Variants in ANPEP observed in about 807,000 individuals in gnomAD.
The protein encoded by ANPEP is aminopeptidase N.
Under a neutral mutation model 114.6 loss-of-function variants are expected in ANPEP, and 70 were observed. The observed-to-expected ratio is 0.61, with a 90% CI of 0.50 to 0.75. The LOEUF is 0.75. ANPEP is among the 30% of genes least tolerant of loss of function. ANPEP has a pLI of 0.00. For synonymous variants in ANPEP, 548 were observed against 522.3 expected (o/e 1.05, Z -0.67); for missense variants, 1,184 against 1,259.5 (o/e 0.94, Z 0.91).
At position 89,807,655 on chromosome 15, in the gene ANPEP, C is replaced by T. The variant is rs534327024; in HGVS notation, c.-223-849G>A. ...GGCAGAGATTGCAGTGAGCTGAGATCGCACCACTGCACTCCAGCCTGGGTG... is the reference window on the plus strand; with the variant it reads ...GGCAGAGATTGCAGTGAGCTGAGATTGCACCACTGCACTCCAGCCTGGGTG... On this transcript the variant is annotated intron_variant, in intron 1 of 20. Coordinates refer to ENST00000300060, the MANE Select transcript of ANPEP (RefSeq NM_001150.3). Among the ~76,000 whole-genome samples the T allele has an allele frequency of 7.2e-5, 11 of 152,182 alleles. No individual in the cohort carries two copies. The South Asian group carries it at 1.5e-3, about 20-fold the overall frequency.
Position 89,804,873 on chromosome 15 carries a change from C to A in ANPEP, c.897+205G>T. On this transcript the variant is annotated intron_variant, in intron 4 of 20. Coordinates refer to ENST00000300060, the MANE Select transcript of ANPEP (RefSeq NM_001150.3). ...TCTGGTAACCGGTGGGTCAGGAACT[C>A]CCTTCATGAAGAGAAACCATTGTTT... The A allele has an allele frequency of 1.2e-6, 1 of 857,164 alleles. No individual in the cohort carries two copies. Among genetic ancestry groups the A allele is most frequent in the East Asian group, 2.7e-5 (1 of 37,648 alleles). 53.1% of individuals were successfully genotyped at this position (857,164 alleles called of 1,614,324 possible).
chr15:89,803,468 C>A lies in ANPEP; in HGVS notation c.1477G>T (p.Glu493Ter). 6.2e-7 allele frequency: 1 copy of A among 1,605,422 alleles called. No individual in the cohort carries two copies. Among genetic ancestry groups the A allele is most frequent in the Non-Finnish European group, 8.5e-7 (1 of 1,176,352 alleles). ...GCCAGGCCCTGCTTGAATACGTCCT[C>A]GGACAGGAAGCTGGAGAGCATCCTG... ...VLRMLSSFLS[E>*]DVFKQGLASY... Residue 493 changes from glutamate to a stop codon, truncating the protein, a stop_gained, in exon 9 of 21, where the codon GAG becomes TAG. Coordinates refer to ENST00000300060, the MANE Select transcript of ANPEP (RefSeq NM_001150.3). LOFTEE classifies it high-confidence loss of function. This position sits in a 1 kb window ranked among gnomAD's most constrained non-coding sequence, Gnocchi z 4.2.
Position 89,785,468 on chromosome 15 carries a change from C to G in ANPEP, c.2785G>C (p.Gly929Arg), listed in dbSNP as rs1968490787. ...AGGGCCCGGGTGCCTGAGCCGAAGC[C>G]TGTTTCCTCGTTGTCCTTCTTGAAC... ...EQFKKDNEET[G>R]FGSGTRALEQ... is the part of the protein sequence containing the mutation. The change falls in exon 21 of 21, where the codon GGC becomes CGC. Residue 929 changes from glycine (G) to arginine (R), a missense_variant. Physicochemically the swap from Gly to Arg is moderately radical, Grantham distance 125 (BLOSUM62 -2). Transcript: ENST00000300060. 1.9e-6 allele frequency: 3 copies of G among 1,613,956 alleles called. No individual in the cohort carries two copies. Among genetic ancestry groups the G allele is most frequent in the Non-Finnish European group, 2.5e-6 (3 of 1,179,940 alleles).
In ANPEP at chr15:89,792,194, G is replaced by A. The variant is rs777193478; in HGVS notation, c.2494C>T (p.Leu832=). 3.1e-6 allele frequency: 5 copies of A among 1,614,120 alleles called. No individual in the cohort carries two copies. The East Asian group carries it at 1.1e-4, about 36-fold the overall frequency. Residue 832 remains leucine, a synonymous_variant, in exon 18 of 21, where the codon CTG becomes TTG. Coordinates refer to ENST00000300060, the MANE Select transcript of ANPEP (RefSeq NM_001150.3). ...VNEADKLRAA[L]ACSKELWILN... is the part of the protein sequence containing the mutation. ...ATCCACAACTCTTTGCTGCAGGCCA[G>A]GGCTGCCCGGAGCTTGTCAGCCTCA...
chr15:89,808,414 G>A (rs1446201147), intron 1 of ANPEP, among the ~76,000 whole-genome samples: 1 of 152,224 alleles, frequency 6.6e-6, no homozygotes, highest in African/African-American at 2.4e-5. Context: ...CTTGAGTCCT[G>A]GACTGCAGGC....
chr15:89,809,775 G>C (rs1008972977), intron 1 of ANPEP, among the ~76,000 whole-genome samples: 1 of 152,244 alleles, frequency 6.6e-6, no homozygotes, highest in Non-Finnish European at 1.5e-5. Flanking sequence ...CCAACCTGCA[G>C]AGTGAAACCT....
rs1474822206 is a variant in ANPEP, at chr15:89,804,555, C to CACG, written c.957_959dup (p.Val320dup). On this transcript the variant is annotated inframe_insertion, in exon 5 of 21. Transcript: ENST00000300060. Reference sequence around the variant, plus strand: ...CAAAGAAGTTAAGGATGGGGCCCGTCACGTTCAGGGCATAATCGCCGTGGC... The same window carrying CACG: ...CAAAGAAGTTAAGGATGGGGCCCGTCACGACGTTCAGGGCATAATCGCCGTGGC... 5 of 1,614,080 alleles carry CACG rather than the reference C, an allele frequency of 3.1e-6. No individual in the cohort carries two copies. The highest frequency in any genetic ancestry group is 4.2e-6 in the Non-Finnish European group (5 of 1,180,022).
Position 89,799,664 on chromosome 15 carries a change from C to T in ANPEP, c.1820-105G>A. The T allele has an allele frequency of 6.6e-7, 1 of 1,524,778 alleles. No homozygotes were observed. Among genetic ancestry groups the T allele is most frequent in the Non-Finnish European group, 9.0e-7 (1 of 1,117,258 alleles). The allele number at this position is 1,524,778 out of a possible 1,614,324, so 94.5% of individuals were successfully genotyped here. ...CCCCGCAGCCTGGCACCACCTCACC[C>T]TCAAGCTGCTGGGGAGACGCTAAGG... On this transcript the variant is annotated intron_variant, in intron 12 of 20. Coordinates refer to ENST00000300060, the MANE Select transcript of ANPEP (RefSeq NM_001150.3). The surrounding 1 kb of genome is among the most constrained non-coding windows in gnomAD (Gnocchi z 4.2).
Position 89,799,427 on chromosome 15 carries a change from G to T in ANPEP, c.1952C>A (p.Ser651Ter). The part of the protein sequence containing the change: ...KIQTQLQRDH[S>*]AIPVINRAQI... ...GGGCGAGGGGTGGCAGACACTCACC[G>T]AGTGGTCTCTCTGCAGCTGAGTCTG... The change falls in exon 13 of 21, where the codon TCG becomes TAG. Residue 651 changes from serine (S) to a stop codon, truncating the protein, a stop_gained and splice_region_variant. Transcript: ENST00000300060. LOFTEE classifies it high-confidence loss of function. This position sits in a 1 kb window ranked among gnomAD's most constrained non-coding sequence, Gnocchi z 4.2. 2 of 1,614,182 alleles carry T rather than the reference G, an allele frequency of 1.2e-6. No homozygotes were observed. Among genetic ancestry groups the T allele is most frequent in the Non-Finnish European group, 8.5e-7 (1 of 1,180,030 alleles).
Position 89,785,095 on chromosome 15 carries a change from C to T in ANPEP, c.*254G>A. On this transcript the variant is annotated 3_prime_UTR_variant, in exon 21 of 21. Transcript: ENST00000300060. Reference sequence around the variant, plus strand: ...GGCTTCCCTGAGATCAGCCCCAGGGCACTGGGCGACAGGTGCCATGCCAGG... The same window carrying T: ...GGCTTCCCTGAGATCAGCCCCAGGGTACTGGGCGACAGGTGCCATGCCAGG... 2.1e-6 allele frequency: 1 copy of T among 470,654 alleles called. No homozygotes were observed. The highest frequency in any genetic ancestry group is 3.9e-6 in the Non-Finnish European group (1 of 258,184). 29.2% of individuals were successfully genotyped at this position (470,654 alleles called of 1,614,324 possible).
At position 89,801,551 on chromosome 15, in the gene ANPEP, G is replaced by A. The variant is rs779519066; in HGVS notation, c.1626C>T (p.Arg542=). 1 of 1,614,196 alleles carries A rather than the reference G, an allele frequency of 6.2e-7. No homozygotes were observed. The highest frequency in any genetic ancestry group is 2.2e-5 in the East Asian group (1 of 44,888). The change falls in exon 11 of 21, where the codon CGC becomes CGT. Residue 542 remains arginine (R), a synonymous_variant. Coordinates refer to ENST00000300060, the MANE Select transcript of ANPEP (RefSeq NM_001150.3). ...CCGGGAAGCCCATCTGCAGGGTCCA[G>A]CGGTTCATGATGTCCCGCACGGTGG... ...LPTTVRDIMN[R]WTLQMGFPVI...
chr15:89,805,332 A>G lies in ANPEP; in HGVS notation c.746T>C (p.Met249Thr), dbSNP rs1181343848. ...HPKDLTALSN[M>T]LPKGPSTPLP... ...CAGGGCCCACTCACCTTTGGGAAGC[A>G]TGTTGGACAGGGCTGTCAGGTCCTT... Residue 249 changes from methionine (M) to threonine (T), a missense_variant, in exon 3 of 21, where the codon ATG becomes ACG. Met to Thr is a moderately conservative substitution (Grantham distance 81). Transcript: ENST00000300060. 1.9e-6 allele frequency: 3 copies of G among 1,613,832 alleles called. No individual in the cohort carries two copies. Among genetic ancestry groups the G allele is most frequent in the Non-Finnish European group, 2.5e-6 (3 of 1,179,944 alleles).
intron 19 of ANPEP, 49 bp downstream of exon 19, chr15:89,790,904 G>A (rs374844432): frequency 1.1e-5 from 17 of 1,600,264 alleles, no homozygotes; most frequent in Middle Eastern, 1.7e-4. Flanking sequence ...ACCCCCCGGG[G>A]CCCCAGCCTC....
intron 15 of ANPEP, among the ~76,000 whole-genome samples, chr15:89,793,426 C>T (rs1968670194): frequency 2.0e-5 from 3 of 152,246 alleles, no homozygotes; most frequent in Admixed American, 6.5e-5. Context: ...AGTTGCTGGG[C>T]GCAGTGGCTC....
rs756723087 is a variant in ANPEP at position 89,792,274 on chromosome 15, C to A, written c.2414G>T (p.Gly805Val). The A allele has an allele frequency of 6.2e-7, 1 of 1,614,246 alleles. No homozygotes were observed. The highest frequency in any genetic ancestry group is 1.1e-5 in the South Asian group (1 of 91,088). Residue 805 changes from glycine (G) to valine (V), a missense_variant, in exon 18 of 21, where the codon GGG (glycine) becomes GTG (valine). By Grantham distance (109) the Gly-to-Val change is moderately radical (BLOSUM62 -3). Transcript: ENST00000300060. ...CCAGGCGAAGTCCCACTCCTCCTCC[C>A]CGCCCTGGGCGATAGCGTTGCAGTA... Reference protein sequence around the residue: ...TVYCNAIAQGGEEEWDFAWEQ... With the variant: ...TVYCNAIAQGVEEEWDFAWEQ...
At position 89,803,860 on chromosome 15, in the gene ANPEP, C is replaced by T. The variant is rs765204805; in HGVS notation, c.1293+29G>A. On this transcript the variant is annotated intron_variant, in intron 7 of 20. Coordinates refer to ENST00000300060, the MANE Select transcript of ANPEP (RefSeq NM_001150.3). The surrounding 1 kb of genome is among the most constrained non-coding windows in gnomAD (Gnocchi z 4.2). ...GGCCCAGGTCTCCCTCCATGCCCCC[C>T]GCACCAGACCCCTGGGCAGCTGGCT... 3.6e-5 allele frequency: 58 copies of T among 1,613,842 alleles called. No homozygotes were observed. The highest frequency in any genetic ancestry group is 5.3e-5 in the African/African-American group (4 of 74,928).
Position 89,785,478 on chromosome 15 carries a change from G to A in ANPEP, c.2775C>T (p.Asn925=), listed in dbSNP as rs1422255177. Residue 925 remains asparagine (N), a synonymous_variant, in exon 21 of 21, where the codon AAC becomes AAT. Coordinates refer to ENST00000300060, the MANE Select transcript of ANPEP (RefSeq NM_001150.3). ...TGCCTGAGCCGAAGCCTGTTTCCTCGTTGTCCTTCTTGAACTGCTCCAGCT... is the reference window on the plus strand; with the variant it reads ...TGCCTGAGCCGAAGCCTGTTTCCTCATTGTCCTTCTTGAACTGCTCCAGCT... ...LQQLEQFKKD[N]EETGFGSGTR... 1.2e-5 allele frequency: 19 copies of A among 1,613,842 alleles called. No homozygotes were observed. The highest frequency in any genetic ancestry group is 8.0e-5 in the African/African-American group (6 of 74,876).
Position 89,803,222 on chromosome 15 carries a change from G to T in ANPEP, c.1569+17C>A, listed in dbSNP as rs755822291. 11 of 1,612,752 alleles carry T rather than the reference G, an allele frequency of 6.8e-6. No homozygotes were observed. Among genetic ancestry groups the T allele is most frequent in the Middle Eastern group, 1.7e-4 (1 of 6,060 alleles). On this transcript the variant is annotated intron_variant, in intron 10 of 20. Transcript: ENST00000300060. This position sits in a 1 kb window ranked among gnomAD's most constrained non-coding sequence, Gnocchi z 4.2. ...GACCCCAACAGGATGGCTGTGGAGGGGCTGGCTGCTACTGACCTCCTGCAG... is the reference window on the plus strand; with the variant it reads ...GACCCCAACAGGATGGCTGTGGAGGTGCTGGCTGCTACTGACCTCCTGCAG...
chr15:89,789,541 G>C (rs1968574151), intron 20 of ANPEP, among the ~76,000 whole-genome samples: 2 of 151,898 alleles, frequency 1.3e-5, no homozygotes, highest in South Asian at 2.1e-4. Flanking sequence ...GGGAGACCGA[G>C]GTGGGTGGAT....
Sources: gnomAD v4.1 joint callset for allele counts (sites outside exome capture counted in the v4.1 genomes callset) on GRCh38, gnomAD v4.1.1 for gene constraint, Gnocchi (gnomAD v3.1) non-coding constraint, MANE v1.5 for transcripts, NCBI Gene and HGNC (gene_info 2026-07-23, HGNC 2026-07-21) for gene names.